The following UTRN variants were observed in gnomAD, a reference collection of about 807,000 sequenced individuals.
UTRN encodes the protein utrophin, also known as dystrophin-related protein 1.
In UTRN, 283 loss-of-function variants were observed where a neutral mutation model predicts 463.9. That is an observed-to-expected ratio of 0.61 (90% confidence interval 0.55 to 0.67). The LOEUF (loss-of-function observed/expected upper bound fraction) is 0.67, where lower values mean the gene tolerates loss of function less well. Ranked by LOEUF, UTRN falls within the 30% of genes least tolerant of loss-of-function variation. The probability of loss-of-function intolerance (pLI) is 0.00; values close to 1 mark genes in which losing one functional copy is unlikely to be tolerated. For synonymous variants in UTRN, 1,442 were observed against 1,431.5 expected (o/e 1.01, Z -0.17); for missense variants, 3,922 against 4,084.3 (o/e 0.96, Z 1.08).
chr6:144,537,509 C>G, intron 43 of UTRN, 73 bp from the exon 44 acceptor site: 1 of 1,143,304 alleles, frequency 8.7e-7, no homozygotes, highest in Non-Finnish European at 1.1e-6. Context: ...TCAGGATATT[C>G]AAAGCAAATA....
intron 40 of UTRN, among the ~76,000 whole-genome samples, 198 bp downstream of exon 40, chr6:144,522,369 G>T (rs1022199607): frequency 1.3e-5 from 2 of 152,152 alleles, no homozygotes; most frequent in African/African-American, 2.4e-5. Flanking sequence ...AGTGGGTATG[G>T]ATTGTTAAAT....
intron 2 of UTRN, among the ~76,000 whole-genome samples, chr6:144,339,827 T>A (rs532486383): frequency 4.6e-5 from 7 of 152,334 alleles, no homozygotes; most frequent in Admixed American, 4.6e-4. Context: ...ATTATCTTTT[T>A]ATATTCTGAT....
intron 3 of UTRN, among the ~76,000 whole-genome samples, chr6:144,420,717 CAG>C (rs1784760380): frequency 6.6e-6 from 1 of 152,158 alleles, no homozygotes; most frequent in Admixed American, 6.5e-5. Context: ...ACCAGAAATA[CAG>C]ACTGAACACC....
At chr6:144,794,345 C>T (rs1391183686) in intron 63 of UTRN, among the ~76,000 whole-genome samples, 2 of 152,126 alleles carry the variant, frequency 1.3e-5, no homozygotes, top group African/African-American at 4.8e-5. Context: ...TGCCTTTGGA[C>T]CTGTGTCTGC....
At chr6:144,361,894 A>G (rs1022920683) in intron 2 of UTRN, among the ~76,000 whole-genome samples, 3 of 151,440 alleles carry the variant, frequency 2.0e-5, no homozygotes, top group Admixed American at 6.6e-5. Context: ...GATGTGAGAC[A>G]CCTCACCCAG....
chr6:144,683,311 C>T (rs1338422035), intron 52 of UTRN, among the ~76,000 whole-genome samples: 1 of 152,128 alleles, frequency 6.6e-6, no homozygotes, highest in African/African-American at 2.4e-5. Context: ...TAAGCATGCC[C>T]AATTATTCTC....
chr6:144,685,134 G>C (rs1782619077), intron 52 of UTRN, among the ~76,000 whole-genome samples: 1 of 152,088 alleles, frequency 6.6e-6, no homozygotes. Context: ...GTAGTGTTTG[G>C]TTTTCCATTC....
rs761062441 is a variant in UTRN, at chr6:144,462,635, C to A, written c.2854-19C>A. The A allele has an allele frequency of 6.3e-7, 1 of 1,581,734 alleles. No homozygotes were observed. Among genetic ancestry groups the A allele is most frequent in the Non-Finnish European group, 8.6e-7 (1 of 1,167,830 alleles). ...ACACATTTTTGTGCATATTTTTAATCTTTTAAAACTTTTTCCAGACCCTTG... is the reference window on the plus strand; with the variant it reads ...ACACATTTTTGTGCATATTTTTAATATTTTAAAACTTTTTCCAGACCCTTG... On this transcript the variant is annotated intron_variant, in intron 22 of 74. Coordinates refer to ENST00000367545, the MANE Select transcript of UTRN (RefSeq NM_007124.3).
chr6:144,824,450 T>TGTATATATAGTATATATATACAC lies in UTRN; in HGVS notation c.9495-2898_9495-2897insGTATATATAGTATATATATACAC, dbSNP rs767872623. On this transcript the variant is annotated intron_variant, in intron 66 of 74. Transcript: ENST00000367545. ...CACACACATTGTATATATATACACA[T>TGTATATATAGTATATATATACAC]ATACAATAAATATGTATATATAGTA... 5.0e-5 allele frequency among the ~76,000 whole-genome samples: 4 copies of TGTATATATAGTATATATATACAC among 80,302 alleles called. No homozygotes were observed. In the East Asian group the frequency reaches 1.2e-3, roughly 25 times the overall value. 52.7% of individuals were successfully genotyped at this position (80,302 alleles called of 152,430 possible).
intron 74 of UTRN, among the ~76,000 whole-genome samples, chr6:144,850,225 TC>T: frequency 6.6e-6 from 1 of 152,236 alleles, no homozygotes; most frequent in East Asian, 1.9e-4. Context: ...AAGGAGGGGC[TC>T]CGTGGGCAGT....
At chr6:144,650,188 A>G (rs1778665627) in intron 51 of UTRN, among the ~76,000 whole-genome samples, 1 of 152,156 alleles carries the variant, frequency 6.6e-6, no homozygotes, top group Non-Finnish European at 1.5e-5. Flanking sequence ...TATCAGGAGA[A>G]CAGCATGGGA....
chr6:144,426,395 G>A lies in UTRN; in HGVS notation c.514G>A (p.Val172Ile), dbSNP rs759590876. The A allele has an allele frequency of 1.2e-5, 19 of 1,613,966 alleles. No homozygotes were observed. In the South Asian group the frequency reaches 1.2e-4, roughly 10 times the overall value. ...CACCAGGCCCTACAGCCAAGTCAAC[G>A]TCCTCAACTTCACCACCAGCTGGAC... ...QTTRPYSQVNVLNFTTSWTDG... is the reference protein window; with the variant it reads ...QTTRPYSQVNILNFTTSWTDG... The change falls in exon 7 of 75, where the codon GTC becomes ATC. Residue 172 changes from valine (V) to isoleucine (I), a missense_variant. This residue lies in a region of UTRN where 264 missense variants were observed against 327.9 expected (regional missense o/e 0.81). Transcript: ENST00000367545.
At chr6:144,320,996 G>A (rs1775603436) in intron 2 of UTRN, among the ~76,000 whole-genome samples, 1 of 152,188 alleles carries the variant, frequency 6.6e-6, no homozygotes. Flanking sequence ...GTGGCTCTGA[G>A]GGCACAGCTG....
intron 51 of UTRN, among the ~76,000 whole-genome samples, chr6:144,641,204 A>G (rs548702380): frequency 4.6e-5 from 7 of 152,324 alleles, no homozygotes; most frequent in African/African-American, 1.4e-4. Context: ...TTAGGGAGAC[A>G]TAATACATCA....
chr6:144,377,358 CTG>C (rs1780555832), intron 2 of UTRN, among the ~76,000 whole-genome samples: 1 of 152,156 alleles, frequency 6.6e-6, no homozygotes, highest in Non-Finnish European at 1.5e-5. Flanking sequence ...ACATTTCTTT[CTG>C]TGTGCAGGAA....
intron 54 of UTRN, 90 bp from the exon 55 acceptor site, chr6:144,748,156 T>G: frequency 6.9e-7 from 1 of 1,454,266 alleles, no homozygotes; most frequent in Non-Finnish European, 9.1e-7. Flanking sequence ...TTCTCCGTAT[T>G]TCTCAGTAAC....
intron 2 of UTRN, among the ~76,000 whole-genome samples, chr6:144,292,467 C>T (rs1241506920): frequency 2.0e-5 from 3 of 152,202 alleles, no homozygotes; most frequent in Non-Finnish European, 4.4e-5. Flanking sequence ...TTGGGGTCCT[C>T]AGGATACCAC....
intron 2 of UTRN, chr6:144,344,105 A>AC: frequency 8.6e-7 from 1 of 1,159,756 alleles, no homozygotes; most frequent in Non-Finnish European, 1.1e-6. Context: ...AAAAAAAAAA[A>AC]AAAAACCCAA....
At chr6:144,759,862 A>G (rs889347786) in intron 58 of UTRN, among the ~76,000 whole-genome samples, 4 of 152,170 alleles carry the variant, frequency 2.6e-5, no homozygotes, top group Admixed American at 6.6e-5. Context: ...TGTAACAGCA[A>G]TAGAAAATTA....
Sources: allele counts gnomAD v4.1 joint callset (sites outside exome capture counted in the v4.1 genomes callset), GRCh38; gene constraint gnomAD v4.1.1; regional missense constraint gnomAD v4.1.1; transcripts MANE v1.5; gene names NCBI Gene and HGNC (gene_info 2026-07-23, HGNC 2026-07-21).